OTX2: variants seen among roughly 807,000 people sequenced by gnomAD.
OTX2 encodes the protein orthodenticle homeobox 2.
Under a neutral mutation model 29.0 loss-of-function variants are expected in OTX2, and 4 were observed. The ratio of observed to expected loss-of-function variants is 0.14; its 90% CI spans 0.07 to 0.32. OTX2 has a LOEUF of 0.32. Among genes scored for constraint, OTX2 ranks in the 10% least tolerant of loss-of-function variants. The probability of loss-of-function intolerance (pLI) is 1.00; values close to 1 mark genes in which losing one functional copy is unlikely to be tolerated. For missense variants in OTX2, 298 were observed against 365.9 expected (o/e 0.81, Z 1.51); for synonymous variants, 134 against 141.0 (o/e 0.95, Z 0.35).
chr14:56,801,575 C>T lies in OTX2; in HGVS notation c.*160G>A, dbSNP rs75947588. ...TTTCATGTTGCTGGTTTGTAGGCCC[C>T]TCTAAGGCCCTTCGTTTTTCCTTCT... On this transcript the variant is annotated 3_prime_UTR_variant, in exon 5 of 5. Coordinates refer to ENST00000672264, the MANE Select transcript of OTX2 (RefSeq NM_021728.4). This position sits in a 1 kb window ranked among gnomAD's most constrained non-coding sequence, Gnocchi z 4.2. 9.0e-4 allele frequency: 681 copies of T among 757,278 alleles called. 2 individuals are homozygous for T. The highest frequency in any genetic ancestry group is 8.9e-3 in the African/African-American group (513 of 57,446). The allele number at this position is 757,278 out of a possible 1,614,324, so 46.9% of individuals were successfully genotyped here.
In OTX2 at chr14:56,801,299, G is replaced by C. The variant is rs190556214; in HGVS notation, c.*436C>G. Reference sequence around the variant, plus strand: ...TTTTTTCAGTGCCAACTACCAGTTGGTCATGAAACGTGAATGAGCTTGAGA... The same window carrying C: ...TTTTTTCAGTGCCAACTACCAGTTGCTCATGAAACGTGAATGAGCTTGAGA... On this transcript the variant is annotated 3_prime_UTR_variant, in exon 5 of 5. Transcript: ENST00000672264. The surrounding 1 kb of genome is among the most constrained non-coding windows in gnomAD (Gnocchi z 4.2). 2 of 228,598 alleles carry C rather than the reference G, an allele frequency of 8.7e-6. No homozygotes were observed. The highest frequency in any genetic ancestry group is 4.5e-5 in the African/African-American group (2 of 44,210). 14.2% of individuals were successfully genotyped at this position (228,598 alleles called of 1,614,324 possible).
At chr14:56,809,360 G>A (rs1892199301) in intron 2 of OTX2, among the ~76,000 whole-genome samples, 1 of 152,258 alleles carries the variant, frequency 6.6e-6, no homozygotes. Context: ...ACAACCGGGG[G>A]TTGGGAGGCT....
chr14:56,809,543 C>T (rs1892205323), intron 2 of OTX2, among the ~76,000 whole-genome samples: 1 of 152,230 alleles, frequency 6.6e-6, no homozygotes, highest in African/African-American at 2.4e-5. Context: ...AGCCAGCGCT[C>T]CCAGCCTCCT....
At chr14:56,807,875 T>G (rs1416480226) in intron 2 of OTX2, among the ~76,000 whole-genome samples, 1 of 152,164 alleles carries the variant, frequency 6.6e-6, no homozygotes, top group Admixed American at 6.5e-5. Context: ...GGAGAACTCA[T>G]ACCTAGAAGC....
Position 56,804,197 on chromosome 14 carries a change from C to T in OTX2, c.264G>A (p.Ser88=), listed in dbSNP as rs376651816. 1.9e-6 allele frequency: 3 copies of T among 1,614,070 alleles called. No individual in the cohort carries two copies. The highest frequency in any genetic ancestry group is 1.7e-6 in the Non-Finnish European group (2 of 1,180,048). ...CCTGCATCTGCCCTACCTGCACCCT[C>T]GACTCGGGCAAGTTGATTTTCAGTG... The part of the protein sequence containing the change: ...EVALKINLPE[S]RVQVWFKNRR... The change falls in exon 4 of 5, where the codon TCG becomes TCA. Residue 88 remains serine (S), a synonymous_variant. Transcript: ENST00000672264. This position sits in a 1 kb window ranked among gnomAD's most constrained non-coding sequence, Gnocchi z 4.1.
chr14:56,808,670 A>G (rs1892172863), intron 2 of OTX2, among the ~76,000 whole-genome samples: 1 of 152,122 alleles, frequency 6.6e-6, no homozygotes, highest in African/African-American at 2.4e-5. Flanking sequence ...AAAAGTCCCG[A>G]GCTGAGCAGG....
Position 56,802,579 on chromosome 14 carries a change from C to T in OTX2, c.274-224G>A, listed in dbSNP as rs548086139. Among the ~76,000 whole-genome samples the T allele has an allele frequency of 6.6e-6, 1 of 152,248 alleles. No homozygotes were observed. The highest frequency in any genetic ancestry group is 2.1e-4 in the South Asian group (1 of 4,824). ...ACTTGACACTGTCTTATTTCTTGCC[C>T]AGAATAACATTTAAGATAATCCCCC... On this transcript the variant is annotated intron_variant, in intron 4 of 4. Transcript: ENST00000672264. This position sits in a 1 kb window ranked among gnomAD's most constrained non-coding sequence, Gnocchi z 4.4.
Position 56,802,195 on chromosome 14 carries a change from G to A in OTX2, c.434C>T (p.Thr145Ile). 6.2e-7 allele frequency: 1 copy of A among 1,614,164 alleles called. No homozygotes were observed. The highest frequency in any genetic ancestry group is 8.5e-7 in the Non-Finnish European group (1 of 1,180,018). Residue 145 changes from threonine to isoleucine, a missense_variant, in exon 5 of 5, where the codon ACC becomes ATC. Coordinates refer to ENST00000672264, the MANE Select transcript of OTX2 (RefSeq NM_021728.4). The surrounding 1 kb of genome is among the most constrained non-coding windows in gnomAD (Gnocchi z 4.4). ...GCTGCTGGCAATGGTCGGGACTGAG[G>A]TGCTAGAGGGGGGAGTGAATTGGCC... Reference protein sequence around the residue: ...TSGQFTPPSSTSVPTIASSSA... With the variant: ...TSGQFTPPSSISVPTIASSSA...
intron 2 of OTX2, chr14:56,806,609 C>T (rs920186971): frequency 1.3e-5 from 2 of 152,202 alleles, no homozygotes; most frequent in Admixed American, 6.5e-5. Flanking sequence ...AGCAGAGTTT[C>T]CTGTTAACTC....
rs768857621 is a variant in OTX2, at chr14:56,802,174, C to T, written c.455G>A (p.Ser152Asn). ...PSSTSVPTIA[S>N]SSAPVSIWSP... ...CCAGATAGACACAGGAGCACTGCTG[C>T]TGGCAATGGTCGGGACTGAGGTGCT... Residue 152 changes from serine (S) to asparagine (N), a missense_variant, in exon 5 of 5, where the codon AGC (serine) becomes AAC (asparagine). Physicochemically the swap from Ser to Asn is conservative, Grantham distance 46. Transcript: ENST00000672264. This position sits in a 1 kb window ranked among gnomAD's most constrained non-coding sequence, Gnocchi z 4.4. The T allele has an allele frequency of 6.2e-7, 1 of 1,614,096 alleles. No homozygotes were observed. The highest frequency in any genetic ancestry group is 8.5e-7 in the Non-Finnish European group (1 of 1,179,964).
At chr14:56,808,989 G>A (rs901965253) in intron 2 of OTX2, among the ~76,000 whole-genome samples, 1 of 152,204 alleles carries the variant, frequency 6.6e-6, no homozygotes, top group African/African-American at 2.4e-5. Flanking sequence ...AGGGACCTTC[G>A]GATGGTTCTT....
At chr14:56,808,570 T>C (rs915910648) in intron 2 of OTX2, among the ~76,000 whole-genome samples, 2 of 152,168 alleles carry the variant, frequency 1.3e-5, no homozygotes, top group African/African-American at 4.8e-5. Context: ...GCCCCGGTGT[T>C]AGCGCTGAGG....
chr14:56,808,760 A>G (rs1320201357), intron 2 of OTX2, among the ~76,000 whole-genome samples: 1 of 152,126 alleles, frequency 6.6e-6, no homozygotes, highest in East Asian at 1.9e-4. Flanking sequence ...CAAGCAATCC[A>G]CCACCGCAGG....
chr14:56,807,860 C>T (rs1337649616), intron 2 of OTX2, among the ~76,000 whole-genome samples: 1 of 152,192 alleles, frequency 6.6e-6, no homozygotes, highest in Non-Finnish European at 1.5e-5. Context: ...CACGAGGTGG[C>T]CTCTGGAGAA....
chr14:56,805,478 A>C lies in OTX2; in HGVS notation c.-22T>G. The C allele has an allele frequency of 2.6e-6, 4 of 1,559,692 alleles. No individual in the cohort carries two copies. Among genetic ancestry groups the C allele is most frequent in the Non-Finnish European group, 3.5e-6 (4 of 1,131,166 alleles). On this transcript the variant is annotated 5_prime_UTR_variant, in exon 3 of 5. Coordinates refer to ENST00000672264, the MANE Select transcript of OTX2 (RefSeq NM_021728.4). Reference sequence around the variant, plus strand: ...TCATGCTAAGGTTGTTTGGAGGTGCAAAGTCGGCCCAAATCGGGGGTACCC... The same window carrying C: ...TCATGCTAAGGTTGTTTGGAGGTGCCAAGTCGGCCCAAATCGGGGGTACCC...
chr14:56,806,545 G>T (rs1187405296), intron 2 of OTX2, among the ~76,000 whole-genome samples: 1 of 152,238 alleles, frequency 6.6e-6, no homozygotes, highest in Non-Finnish European at 1.5e-5. Flanking sequence ...ATGTGTGGAG[G>T]CTGCAGATCC....
At chr14:56,808,042 G>C (rs1892150782) in intron 2 of OTX2, among the ~76,000 whole-genome samples, 1 of 151,474 alleles carries the variant, frequency 6.6e-6, no homozygotes, top group Admixed American at 6.6e-5. Flanking sequence ...CCGCTCCACT[G>C]CCCGCGCCCC....
At position 56,801,391 on chromosome 14, in the gene OTX2, C is replaced by A; in HGVS notation, c.*344G>T. 5.5e-6 allele frequency: 2 copies of A among 365,570 alleles called. No homozygotes were observed. Among genetic ancestry groups the A allele is most frequent in the Admixed American group, 3.9e-5 (1 of 25,318 alleles). The allele number at this position is 365,570 out of a possible 1,614,324, so 22.6% of individuals were successfully genotyped here. A position where few individuals can be genotyped will look rare whatever the true frequency, so the allele number is the denominator to read the frequency against. ...AATGGAACACCTCTGCTTAAGAAGG[C>A]TATGACCTTCCCTCCCTTCCTTCAC... On this transcript the variant is annotated 3_prime_UTR_variant, in exon 5 of 5. Transcript: ENST00000672264. This position sits in a 1 kb window ranked among gnomAD's most constrained non-coding sequence, Gnocchi z 4.2.
Position 56,804,131 on chromosome 14 carries a change from C to T in OTX2, c.273+57G>A. On this transcript the variant is annotated intron_variant, in intron 4 of 4. Coordinates refer to ENST00000672264, the MANE Select transcript of OTX2 (RefSeq NM_021728.4). The surrounding 1 kb of genome is among the most constrained non-coding windows in gnomAD (Gnocchi z 4.1). ...AAAGACCTGGGGCTCTCCACAGTCC[C>T]ATACTCGGGAAGGGTGGCATGATCA... 6.3e-7 allele frequency: 1 copy of T among 1,592,522 alleles called. No individual in the cohort carries two copies. Among genetic ancestry groups the T allele is most frequent in the Non-Finnish European group, 8.6e-7 (1 of 1,160,520 alleles).
Sources: gnomAD v4.1 joint callset for allele counts (sites outside exome capture counted in the v4.1 genomes callset) on GRCh38, gnomAD v4.1.1 for gene constraint, Gnocchi (gnomAD v3.1) non-coding constraint, MANE v1.5 for transcripts, NCBI Gene and HGNC (gene_info 2026-07-23, HGNC 2026-07-21) for gene names.